The following CADPS2 variants were observed in gnomAD, a reference collection of about 807,000 sequenced individuals.
The protein encoded by CADPS2 is calcium-dependent secretion activator 2.
A neutral mutation model predicts 172.5 loss-of-function variants in CADPS2; 93 were observed. That is an observed-to-expected ratio of 0.54 (90% confidence interval 0.46 to 0.64). The LOEUF (loss-of-function observed/expected upper bound fraction) is 0.64, where lower values mean the gene tolerates loss of function less well. Ranked by LOEUF, CADPS2 falls within the 30% of genes least tolerant of loss-of-function variation. CADPS2 has a pLI of 0.00. For missense variants in CADPS2, 1,420 were observed against 1,565.9 expected (o/e 0.91, Z 1.57); for synonymous variants, 546 against 555.2 (o/e 0.98, Z 0.23).
chr7:122,488,090 A>C (rs1001347911), intron 11 of CADPS2, among the ~76,000 whole-genome samples: 1 of 152,216 alleles, frequency 6.6e-6, no homozygotes, highest in Non-Finnish European at 1.5e-5. Flanking sequence ...AGACTGGCCT[A>C]TGGAGAGGTA....
chr7:122,498,900 G>T (rs976856144), intron 9 of CADPS2, among the ~76,000 whole-genome samples: 2 of 152,094 alleles, frequency 1.3e-5, no homozygotes, highest in Admixed American at 6.5e-5. Context: ...TTTAGATTGT[G>T]AGCTAATAAT....
At chr7:122,440,472 TA>T (rs1186983184) in intron 16 of CADPS2, 1 of 152,152 alleles carries the variant, frequency 6.6e-6, no homozygotes, top group Non-Finnish European at 1.5e-5. Flanking sequence ...AAAACATAAT[TA>T]CAACAATCAC....
At chr7:122,423,548 A>T (rs1272190489) in intron 17 of CADPS2, among the ~76,000 whole-genome samples, 3 of 152,188 alleles carry the variant, frequency 2.0e-5, no homozygotes, top group Admixed American at 2.0e-4. Flanking sequence ...TGACATCGCT[A>T]AGATGTGGCA....
intron 27 of CADPS2, among the ~76,000 whole-genome samples, chr7:122,353,590 A>C (rs1429243435): frequency 6.6e-6 from 1 of 152,210 alleles, no homozygotes; most frequent in Non-Finnish European, 1.5e-5. Context: ...TGTTAATAAG[A>C]CCATTTTAAA....
At chr7:122,424,984 A>G (rs191190855) in intron 17 of CADPS2, among the ~76,000 whole-genome samples, 3 of 152,150 alleles carry the variant, frequency 2.0e-5, no homozygotes, top group African/African-American at 7.2e-5. Flanking sequence ...CTTTTTTTAA[A>G]AAAATTATTT....
intron 6 of CADPS2, among the ~76,000 whole-genome samples, chr7:122,583,851 C>CATATACATATGTATATAACATATGTGTAT (rs1406217479): frequency 9.9e-5 from 15 of 150,870 alleles, no homozygotes; most frequent in Non-Finnish European, 1.6e-4. Flanking sequence ...TACATCACAT[C>CATATACATATGTATATAACATATGTGTAT]ATATACATAT....
At chr7:122,497,850 G>A (rs1427909621) in intron 9 of CADPS2, among the ~76,000 whole-genome samples, 2 of 152,110 alleles carry the variant, frequency 1.3e-5, no homozygotes, top group African/African-American at 2.4e-5. Context: ...TACTTACATA[G>A]TGTTTTAGCC....
chr7:122,559,113 C>A (rs1030993266), intron 7 of CADPS2, among the ~76,000 whole-genome samples: 1 of 152,060 alleles, frequency 6.6e-6, no homozygotes, highest in African/African-American at 2.4e-5. Flanking sequence ...GTGCATTCAG[C>A]AATTCTTGAA....
chr7:122,466,593 G>A (rs911833322), intron 14 of CADPS2, among the ~76,000 whole-genome samples: 1 of 152,128 alleles, frequency 6.6e-6, no homozygotes, highest in Non-Finnish European at 1.5e-5. Context: ...ATTCACCTGA[G>A]TACTGCAGTG....
intron 3 of CADPS2, among the ~76,000 whole-genome samples, chr7:122,648,451 C>T (rs1208573487): frequency 6.6e-6 from 1 of 152,116 alleles, no homozygotes; most frequent in Admixed American, 6.6e-5. Context: ...ATACACAAAA[C>T]AGAACCCTTG....
At position 122,649,898 on chromosome 7, in the gene CADPS2, A is replaced by ATTTTTTTTTTTTTTTTTTTTTTTTT. The variant is rs71531909; in HGVS notation, c.786+13314_786+13338dup. 2.5e-4 allele frequency among the ~76,000 whole-genome samples: 13 copies of ATTTTTTTTTTTTTTTTTTTTTTTTT among 52,020 alleles called. 5 individuals are homozygous for ATTTTTTTTTTTTTTTTTTTTTTTTT. Among genetic ancestry groups the ATTTTTTTTTTTTTTTTTTTTTTTTT allele is most frequent in the African/African-American group, 3.2e-4 (4 of 12,546 alleles). 34.1% of individuals were successfully genotyped at this position (52,020 alleles called of 152,430 possible). On this transcript the variant is annotated intron_variant, in intron 3 of 29. Transcript: ENST00000449022. The stretch of plus-strand genomic sequence containing the variant: ...TGACATTTTTCTTAAGTATTCAATG[A>ATTTTTTTTTTTTTTTTTTTTTTTTT]TTTTTTTTTTTTTTTTTTTTTTTTT...
intron 18 of CADPS2, 66 bp from the exon 19 acceptor site, chr7:122,414,142 C>G: frequency 7.8e-7 from 1 of 1,282,926 alleles, no homozygotes; most frequent in Non-Finnish European, 1.0e-6. Context: ...TACAAAACAT[C>G]TTTAAAAAAG....
chr7:122,815,262 A>C (rs1385863456), intron 1 of CADPS2, among the ~76,000 whole-genome samples: 7 of 152,168 alleles, frequency 4.6e-5, no homozygotes, highest in Non-Finnish European at 8.8e-5. Context: ...AAGCTCATCT[A>C]CTAGAGATGC....
intron 11 of CADPS2, among the ~76,000 whole-genome samples, chr7:122,489,835 T>C (rs954567768): frequency 1.3e-5 from 2 of 152,174 alleles, no homozygotes; most frequent in Non-Finnish European, 2.9e-5. Context: ...TTTTCTTATG[T>C]GCTCTTGAGA....
intron 2 of CADPS2, among the ~76,000 whole-genome samples, chr7:122,724,251 GA>G (rs2090843171): frequency 6.6e-6 from 1 of 151,896 alleles, no homozygotes; most frequent in Admixed American, 6.6e-5. Context: ...TGGGCTCATG[GA>G]AGTCAGGGAC....
chr7:122,734,356 TAAAAAAAAAAAAAAAAAAAAA>T (rs558421546), intron 2 of CADPS2, among the ~76,000 whole-genome samples: 1 of 46,294 alleles, frequency 2.2e-5, no homozygotes, highest in Non-Finnish European at 3.7e-5. Flanking sequence ...CCAGAAATAG[TAAAAAAAAAAAAAAAAAAAAA>T]AAAAAAAAAG....
At chr7:122,427,233 G>C (rs997902233) in intron 17 of CADPS2, 2 of 151,934 alleles carry the variant, frequency 1.3e-5, no homozygotes, top group Non-Finnish European at 2.9e-5. Flanking sequence ...CCAGATCGTG[G>C]GGAATCTGGG....
intron 1 of CADPS2, among the ~76,000 whole-genome samples, chr7:122,817,683 C>T (rs1352080177): frequency 2.0e-5 from 3 of 151,910 alleles, no homozygotes; most frequent in Admixed American, 6.6e-5. Context: ...CTTGTCTCTA[C>T]CCCTTCTCTG....
chr7:122,354,771 C>T (rs549613425), intron 27 of CADPS2, among the ~76,000 whole-genome samples: 8 of 152,092 alleles, frequency 5.3e-5, no homozygotes, highest in Non-Finnish European at 1.2e-4. Flanking sequence ...CTTTCTCACT[C>T]TTTTTTCAAA....
Sources: allele counts gnomAD v4.1 joint callset (sites outside exome capture counted in the v4.1 genomes callset), GRCh38; gene constraint gnomAD v4.1.1; transcripts MANE v1.5; gene names NCBI Gene and HGNC (gene_info 2026-07-23, HGNC 2026-07-21).